Variants in FAM184A observed in about 807,000 individuals in gnomAD.
The protein encoded by FAM184A is family with sequence similarity 184 member A, also known as protein FAM184A.
Under a neutral mutation model 143.8 loss-of-function variants are expected in FAM184A, and 99 were observed. The ratio of observed to expected loss-of-function variants is 0.69; its 90% CI spans 0.58 to 0.81. The LOEUF is 0.81. Among genes scored for constraint, FAM184A ranks in the 40% least tolerant of loss-of-function variants. The probability of loss-of-function intolerance (pLI) is 0.00; values close to 1 mark genes in which losing one functional copy is unlikely to be tolerated. For synonymous variants in FAM184A, 427 were observed against 446.4 expected (o/e 0.96, Z 0.55); for missense variants, 1,217 against 1,310.5 (o/e 0.93, Z 1.10).
chr6:119,011,119 G>C (rs2114659192), intron 6 of FAM184A, 190 bp downstream of exon 6: 3 of 496,274 alleles, frequency 6.0e-6, no homozygotes, highest in Non-Finnish European at 1.0e-5. Context: ...TAATGTTTTT[G>C]ACAGTAAATT....
At chr6:119,057,836 C>A (rs1420666685) in intron 1 of FAM184A, 1 of 92,158 alleles carries the variant, frequency 1.1e-5, no homozygotes, top group African/African-American at 4.4e-5. Context: ...TACCAACTCT[C>A]TTCTGTGTTT....
At chr6:119,017,202 A>G (rs1465901150) in intron 4 of FAM184A, among the ~76,000 whole-genome samples, 2 of 152,210 alleles carry the variant, frequency 1.3e-5, no homozygotes, top group African/African-American at 4.8e-5. Flanking sequence ...CTGCAAGCTT[A>G]AGAGTAAAGG....
chr6:118,975,213 T>TAAAAA lies in FAM184A; in HGVS notation c.2584-10_2584-6dup. On this transcript the variant is annotated splice_polypyrimidine_tract_variant and splice_region_variant and intron_variant, in intron 12 of 17. Coordinates refer to ENST00000338891, the MANE Select transcript of FAM184A (RefSeq NM_024581.6). ...TCTACATATGTGCTCCTTACTCTGTTAAAAAAAAAAAGTCATTTTTAGAAG... is the reference window on the plus strand; with the variant it reads ...TCTACATATGTGCTCCTTACTCTGTTAAAAAAAAAAAAAAAAGTCATTTTTAGAAG... The TAAAAA allele has an allele frequency of 7.8e-7, 1 of 1,283,922 alleles. No homozygotes were observed. The highest frequency in any genetic ancestry group is 1.6e-5 in the South Asian group (1 of 63,864). The allele number at this position is 1,283,922 out of a possible 1,614,324, so 79.5% of individuals were successfully genotyped here. A position where few individuals can be genotyped will look rare whatever the true frequency, so the allele number is the denominator to read the frequency against.
Position 119,005,353 on chromosome 6 carries a change from C to T in FAM184A, c.1815+1094G>A, listed in dbSNP as rs192292605. ...AAATGGAAGGTAAATATTCAATGCA[C>T]ACAGAATATATCATAGATAAAATAT... is the stretch of plus-strand genomic sequence containing the variant. On this transcript the variant is annotated intron_variant, in intron 7 of 17. Coordinates refer to ENST00000338891, the MANE Select transcript of FAM184A (RefSeq NM_024581.6). The T allele has an allele frequency of 2.0e-5, 3 of 152,114 alleles. No individual in the cohort carries two copies. The East Asian group carries it at 5.8e-4, about 29-fold the overall frequency. 9.4% of individuals were successfully genotyped at this position (152,114 alleles called of 1,614,324 possible). A position where few individuals can be genotyped will look rare whatever the true frequency, so the allele number is the denominator to read the frequency against.
chr6:119,082,528 T>A (rs552735742), upstream of FAM184A, among the ~76,000 whole-genome samples: 387 of 152,362 alleles, frequency 2.5e-3, 4 homozygotes, highest in African/African-American at 8.7e-3. Flanking sequence ...ATTGGGTAAA[T>A]GTTCCCATTC....
chr6:119,089,342 T>C (rs1344608655), intron 1 of FAM184A, among the ~76,000 whole-genome samples: 2 of 152,126 alleles, frequency 1.3e-5, no homozygotes, highest in Non-Finnish European at 2.9e-5. Flanking sequence ...TAGCTGGGAT[T>C]ACAGGCATCT....
chr6:119,024,971 CAT>C (rs1785579287), intron 1 of FAM184A, among the ~76,000 whole-genome samples, 158 bp from the exon 2 acceptor site: 1 of 152,134 alleles, frequency 6.6e-6, no homozygotes, highest in South Asian at 2.1e-4. Context: ...TTTTTTTACT[CAT>C]AGATTGATTT....
At chr6:119,094,842 T>G (rs750587998) in intron 1 of FAM184A, among the ~76,000 whole-genome samples, 12 of 152,098 alleles carry the variant, frequency 7.9e-5, no homozygotes, top group Non-Finnish European at 1.8e-4. Flanking sequence ...CGAGGATCCT[T>G]TGAGGAACCA....
intron 1 of FAM184A, among the ~76,000 whole-genome samples, chr6:119,049,269 A>T (rs905822725): frequency 6.6e-6 from 1 of 152,030 alleles, no homozygotes. Flanking sequence ...CCAACATGGT[A>T]AAACCCCATC....
intron 1 of FAM184A, among the ~76,000 whole-genome samples, chr6:119,124,587 G>T (rs1789307711): frequency 6.6e-6 from 1 of 152,102 alleles, no homozygotes; most frequent in African/African-American, 2.4e-5. Context: ...GAGTCATGCT[G>T]AAATCATTGC....
At chr6:119,014,084 C>T (rs1785167359) in intron 5 of FAM184A, among the ~76,000 whole-genome samples, 1 of 152,234 alleles carries the variant, frequency 6.6e-6, no homozygotes, top group African/African-American at 2.4e-5. Context: ...CTGAGTCTTA[C>T]TAGTTGCATG....
At chr6:119,023,181 TACTAA>T in intron 2 of FAM184A, 101 bp from the exon 3 acceptor site, 1 of 1,227,718 alleles carries the variant, frequency 8.1e-7, no homozygotes. Flanking sequence ...TCAGAAGTCA[TACTAA>T]ACTATATACC....
At chr6:119,020,368 G>A (rs951999580) in intron 3 of FAM184A, among the ~76,000 whole-genome samples, 1 of 151,834 alleles carries the variant, frequency 6.6e-6, no homozygotes, top group South Asian at 2.1e-4. Context: ...AAATTAAAAC[G>A]TCATTTTCAC....
chr6:118,993,945 C>T (rs1784460593), intron 9 of FAM184A, among the ~76,000 whole-genome samples: 1 of 152,154 alleles, frequency 6.6e-6, no homozygotes, highest in Non-Finnish European at 1.5e-5. Flanking sequence ...GAAGGCCTGG[C>T]GTGATCTGAT....
At chr6:118,964,863 C>G (rs1340582019) in intron 15 of FAM184A, 92 bp from the exon 16 acceptor site, 1 of 636,190 alleles carries the variant, frequency 1.6e-6, no homozygotes, top group Non-Finnish European at 2.7e-6. Flanking sequence ...TTAAAATTTA[C>G]TATAAAACCT....
intron 13 of FAM184A, 90 bp downstream of exon 13, chr6:118,974,934 A>T: frequency 1.0e-6 from 1 of 997,822 alleles, no homozygotes; most frequent in Non-Finnish European, 1.5e-6. Context: ...GAGCCAGTCT[A>T]GTCACAAAAT....
intron 9 of FAM184A, among the ~76,000 whole-genome samples, chr6:118,989,342 T>C (rs1373501900): frequency 6.6e-6 from 1 of 152,122 alleles, no homozygotes; most frequent in Non-Finnish European, 1.5e-5. Flanking sequence ...AATGAAAATA[T>C]AATTTCATTT....
At chr6:119,115,444 C>T (rs978027946) in intron 1 of FAM184A, among the ~76,000 whole-genome samples, 3 of 152,078 alleles carry the variant, frequency 2.0e-5, no homozygotes, top group African/African-American at 2.4e-5. Context: ...GTAAACCTGG[C>T]ACTTTGGGAG....
At chr6:119,016,430 G>A (rs924813598) in intron 5 of FAM184A, among the ~76,000 whole-genome samples, 1 of 152,006 alleles carries the variant, frequency 6.6e-6, no homozygotes, top group Non-Finnish European at 1.5e-5. Flanking sequence ...AGCCTAGCAA[G>A]ACCACGAGCC....
Sources: gnomAD v4.1 joint callset for allele counts (sites outside exome capture counted in the v4.1 genomes callset) on GRCh38, gnomAD v4.1.1 for gene constraint, MANE v1.5 for transcripts, NCBI Gene and HGNC (gene_info 2026-07-23, HGNC 2026-07-21) for gene names.